The following RFX3 variants were observed in gnomAD, a reference collection of about 807,000 sequenced individuals.
The protein encoded by RFX3 is regulatory factor X3.
Under a neutral mutation model 98.6 loss-of-function variants are expected in RFX3, and 14 were observed. The ratio of observed to expected loss-of-function variants is 0.14; its 90% confidence interval spans 0.09 to 0.22. RFX3 has a LOEUF of 0.22. Among genes scored for constraint, RFX3 ranks in the 10% least tolerant of loss-of-function variants. The pLI is 1.00. For synonymous variants in RFX3, 383 were observed against 328.4 expected, an observed-to-expected ratio of 1.17 and a Z score of -1.80; for missense variants, 639 against 926.9, an observed-to-expected ratio of 0.69 and a Z score of 4.03.
At chr9:3,316,647 C>T (rs530665259) in intron 4 of RFX3, among the ~76,000 whole-genome samples, 116 of 152,284 alleles carry the variant, frequency 7.6e-4, no homozygotes, top group African/African-American at 2.7e-3. Flanking sequence ...AGCCCAAAAT[C>T]TCCTTAAGCT....
intron 1 of RFX3, among the ~76,000 whole-genome samples, chr9:3,408,893 T>C (rs532957994): frequency 5.9e-5 from 9 of 152,328 alleles, no homozygotes; most frequent in Non-Finnish European, 1.2e-4. Context: ...AGGTCTACTT[T>C]GCCAAAAATA....
intron 5 of RFX3, among the ~76,000 whole-genome samples, chr9:3,298,306 G>A (rs1443118093): frequency 6.6e-6 from 1 of 151,672 alleles, no homozygotes; most frequent in Non-Finnish European, 1.5e-5. Flanking sequence ...TTACTCAGAT[G>A]GTATACCAGA....
chr9:3,329,407 C>CAAAAAAAAAAAAAAAAAAAAAAAA (rs1202028884), intron 4 of RFX3, among the ~76,000 whole-genome samples: 8 of 38,138 alleles, frequency 2.1e-4, no homozygotes, highest in Non-Finnish European at 2.8e-4. Context: ...GACTTCATCT[C>CAAAAAAAAAAAAAAAAAAAAAAAA]AAAAAAAAAA....
intron 1 of RFX3, among the ~76,000 whole-genome samples, chr9:3,460,799 G>A (rs2133052695): frequency 6.6e-6 from 1 of 151,056 alleles, no homozygotes; most frequent in South Asian, 2.1e-4. Flanking sequence ...CCATTTCTAA[G>A]TATACATGCT....
chr9:3,313,978 T>A (rs375069133), intron 4 of RFX3, among the ~76,000 whole-genome samples: 4 of 152,192 alleles, frequency 2.6e-5, no homozygotes, highest in South Asian at 2.1e-4. Flanking sequence ...ACTTCCCCAA[T>A]TGAACGAGGC....
chr9:3,229,174 G>A (rs1369198068), intron 15 of RFX3, among the ~76,000 whole-genome samples: 3 of 152,102 alleles, frequency 2.0e-5, no homozygotes, highest in African/African-American at 7.2e-5. Flanking sequence ...ACTCAGCAAT[G>A]AAGAAATAGG....
intron 2 of RFX3, among the ~76,000 whole-genome samples, chr9:3,360,093 C>T (rs919498834): frequency 2.6e-5 from 4 of 152,108 alleles, no homozygotes; most frequent in Non-Finnish European, 5.9e-5. Flanking sequence ...TTCTACCCAT[C>T]TTTGTGAAGT....
At chr9:3,460,914 C>T (rs966356242) in intron 1 of RFX3, among the ~76,000 whole-genome samples, 4 of 151,876 alleles carry the variant, frequency 2.6e-5, no homozygotes, top group African/African-American at 9.7e-5. Flanking sequence ...ACAAACGCCT[C>T]TCAATACTTC....
At chr9:3,247,973 T>G (rs1249477836) in intron 15 of RFX3, 59 bp downstream of exon 15, 1 of 1,613,936 alleles carries the variant, frequency 6.2e-7, no homozygotes, top group Admixed American at 1.7e-5. Flanking sequence ...TAGACTGAAG[T>G]GTAATTCTGG....
chr9:3,432,962 T>C lies in RFX3; in HGVS notation c.-8-37366A>G, dbSNP rs765321785. Among the ~76,000 whole-genome samples the C allele has an allele frequency of 7.7e-4, 118 of 152,266 alleles. 1 individual carries two copies. The highest frequency in any genetic ancestry group is 1.2e-3 in the Admixed American group (18 of 15,276). On this transcript the variant is annotated intron_variant, in intron 1 of 16. Coordinates refer to ENST00000617270, the MANE Select transcript of RFX3 (RefSeq NM_001282116.2). ...ATGTACAGTTGTCCCTTAGTATATATAGGGGATTAGTTCCAGGTTAGCGTG... is the reference window on the plus strand; with the variant it reads ...ATGTACAGTTGTCCCTTAGTATATACAGGGGATTAGTTCCAGGTTAGCGTG...
intron 1 of RFX3, among the ~76,000 whole-genome samples, chr9:3,462,324 G>A (rs1847772287): frequency 6.6e-6 from 1 of 151,980 alleles, no homozygotes; most frequent in Non-Finnish European, 1.5e-5. Context: ...AAAAGAAAAA[G>A]TATAAGGTCA....
chr9:3,390,806 G>C (rs532416547), intron 2 of RFX3, among the ~76,000 whole-genome samples: 20 of 152,208 alleles, frequency 1.3e-4, no homozygotes, highest in African/African-American at 4.6e-4. Context: ...CACATGAACT[G>C]TAAGTCCCTT....
chr9:3,260,852 A>T (rs1168002718), intron 13 of RFX3, among the ~76,000 whole-genome samples: 1 of 150,044 alleles, frequency 6.7e-6, no homozygotes, highest in Non-Finnish European at 1.5e-5. Flanking sequence ...ATAGTTTTAA[A>T]TTAGATATAA....
At chr9:3,460,506 T>C (rs1847588816) in intron 1 of RFX3, among the ~76,000 whole-genome samples, 1 of 152,024 alleles carries the variant, frequency 6.6e-6, no homozygotes, top group South Asian at 2.1e-4. Context: ...CTTATACTCA[T>C]CAAATAAGAT....
At chr9:3,306,105 G>C (rs957156211) in intron 4 of RFX3, among the ~76,000 whole-genome samples, 3 of 152,034 alleles carry the variant, frequency 2.0e-5, no homozygotes, top group Non-Finnish European at 2.9e-5. Context: ...ATTTAAGGTA[G>C]GAAATGATGA....
chr9:3,276,058 A>G (rs553748746), intron 8 of RFX3, among the ~76,000 whole-genome samples: 1 of 152,254 alleles, frequency 6.6e-6, no homozygotes, highest in South Asian at 2.1e-4. Context: ...TACAAAGAAA[A>G]CTACAAAAAT....
intron 1 of RFX3, among the ~76,000 whole-genome samples, chr9:3,403,369 G>C (rs1373552595): frequency 3.9e-5 from 6 of 152,042 alleles, no homozygotes; most frequent in Non-Finnish European, 8.8e-5. Flanking sequence ...TCTTTATTTA[G>C]GTTTGATGTT....
At chr9:3,479,750 A>G (rs1001932915) in intron 1 of RFX3, among the ~76,000 whole-genome samples, 1 of 152,188 alleles carries the variant, frequency 6.6e-6, no homozygotes, top group Non-Finnish European at 1.5e-5. Flanking sequence ...TGATAGTAAG[A>G]AATTTTTTTA....
In RFX3 at chr9:3,395,566, G is replaced by A. The variant is rs746288499; in HGVS notation, c.23C>T (p.Ser8Leu). 4 of 1,613,998 alleles carry A rather than the reference G, an allele frequency of 2.5e-6. No homozygotes were observed. Among genetic ancestry groups the A allele is most frequent in the East Asian group, 2.2e-5 (1 of 44,868 alleles). MQTSETG[S>L]DTGSTVTLQT... is the part of the protein sequence containing the mutation. Reference sequence around the variant, plus strand: ...TAAGGTCACTGTCGAGCCTGTGTCCGACCCAGTCTCTGATGTCTGCATGAT... The same window carrying A: ...TAAGGTCACTGTCGAGCCTGTGTCCAACCCAGTCTCTGATGTCTGCATGAT... Residue 8 changes from serine to leucine, a missense_variant, in exon 2 of 17, where the codon TCG becomes TTG. By Grantham distance (145) the Ser-to-Leu change is moderately radical. Transcript: ENST00000617270.
Sources: allele counts gnomAD v4.1 joint callset (sites outside exome capture counted in the v4.1 genomes callset), GRCh38; gene constraint gnomAD v4.1.1; transcripts MANE v1.5; gene names NCBI Gene and HGNC (gene_info 2026-07-23, HGNC 2026-07-21).